NUF2: variants seen among roughly 807,000 people sequenced by gnomAD.
NUF2 encodes the protein NUF2 component of NDC80 kinetochore complex.
A neutral mutation model predicts 61.8 loss-of-function variants in NUF2; 34 were observed. The ratio of observed to expected loss-of-function variants is 0.55; its 90% CI spans 0.42 to 0.73. The LOEUF (loss-of-function observed/expected upper bound fraction) is 0.73. Among genes scored for constraint, NUF2 ranks in the 30% least tolerant of loss-of-function variants. NUF2 has a pLI of 0.00. For missense variants in NUF2, 445 were observed against 539.1 expected (o/e 0.83, Z 1.73); for synonymous variants, 172 against 181.6 (o/e 0.95, Z 0.42).
chr1:163,324,513 T>TA (rs11421867), intron 1 of NUF2, among the ~76,000 whole-genome samples: 89,582 of 151,958 alleles, frequency 0.59, 26,826 homozygotes, highest in Middle Eastern at 0.68. Context: ...CCTAAAATTC[T>TA]AAAAAAATTA....
chr1:163,345,082 C>T (rs1274588351), intron 10 of NUF2, among the ~76,000 whole-genome samples: 7 of 151,846 alleles, frequency 4.6e-5, no homozygotes, highest in African/African-American at 1.2e-4. Flanking sequence ...AACATAATTA[C>T]GGTGCATATG....
chr1:163,337,197 C>G (rs1250759839), intron 6 of NUF2, among the ~76,000 whole-genome samples: 1 of 151,930 alleles, frequency 6.6e-6, no homozygotes, highest in African/African-American at 2.4e-5. Context: ...TATTAAATAA[C>G]GGACATATTT....
At chr1:163,335,528 G>A (rs1031969932) in intron 5 of NUF2, among the ~76,000 whole-genome samples, 6 of 151,260 alleles carry the variant, frequency 4.0e-5, no homozygotes, top group South Asian at 2.1e-4. Flanking sequence ...GTTGTTAGCC[G>A]TTTGAATATA....
chr1:163,323,861 G>A (rs1650324139), intron 1 of NUF2, among the ~76,000 whole-genome samples: 1 of 151,974 alleles, frequency 6.6e-6, no homozygotes, highest in African/African-American at 2.4e-5. Flanking sequence ...CACAGCAGAT[G>A]GTGACCAAAA....
intron 9 of NUF2, among the ~76,000 whole-genome samples, chr1:163,343,351 T>C (rs1394043145): frequency 2.0e-5 from 3 of 152,106 alleles, no homozygotes; most frequent in Admixed American, 2.0e-4. Flanking sequence ...CAGGGATCAG[T>C]ACAAATTTAG....
chr1:163,347,830 A>G lies in NUF2; in HGVS notation c.1016A>G (p.Asn339Ser). ...CTGAAGAAATTGAAGACTGAAGAAA[A>G]TTCGTTCAAAAGACTGATGATTGTG... ...SELKKLKTEE[N>S]SFKRLMIVKK... is the part of the protein sequence containing the mutation. The change falls in exon 12 of 14, where the codon AAT becomes AGT. Residue 339 changes from asparagine to serine, a missense_variant. Asn to Ser is a conservative substitution (Grantham distance 46). Transcript: ENST00000271452. 6.2e-7 allele frequency: 1 copy of G among 1,612,262 alleles called. No individual in the cohort carries two copies. The highest frequency in any genetic ancestry group is 8.5e-7 in the Non-Finnish European group (1 of 1,179,318).
intron 10 of NUF2, among the ~76,000 whole-genome samples, chr1:163,344,494 A>T (rs1328318586): frequency 6.6e-6 from 1 of 151,402 alleles, no homozygotes. Context: ...TAAACATAGC[A>T]GTACCAAGGC....
intron 13 of NUF2, among the ~76,000 whole-genome samples, chr1:163,353,155 G>A (rs1651378699): frequency 6.6e-6 from 1 of 152,070 alleles, no homozygotes; most frequent in Non-Finnish European, 1.5e-5. Flanking sequence ...TATCCAAACT[G>A]GTCTGGTTAT....
rs768070975 is a variant in NUF2, at chr1:163,327,511, C to A, written c.147C>A (p.Tyr49Ter). 5 of 1,611,832 alleles carry A rather than the reference C, an allele frequency of 3.1e-6. No individual in the cohort carries two copies. The highest frequency in any genetic ancestry group is 4.2e-6 in the Non-Finnish European group (5 of 1,178,136). Reference sequence around the variant, plus strand: ...AGCCTGAAGTCTTGCACATGATCTACATGAGAGCCTTACAAATAGTATATG... The same window carrying A: ...AGCCTGAAGTCTTGCACATGATCTAAATGAGAGCCTTACAAATAGTATATG... ...NPKPEVLHMI[Y>*]MRALQIVYGI... The change falls in exon 3 of 14, where the codon TAC becomes TAA. Residue 49 changes from tyrosine (Y) to a stop codon, truncating the protein, a stop_gained. Coordinates refer to ENST00000271452, the MANE Select transcript of NUF2 (RefSeq NM_145697.3). LOFTEE classifies it high-confidence loss of function.
chr1:163,352,362 T>C (rs1447568621), intron 13 of NUF2, among the ~76,000 whole-genome samples: 1 of 152,258 alleles, frequency 6.6e-6, no homozygotes, highest in East Asian at 1.9e-4. Context: ...CCTTGAATAC[T>C]AAGTACTACC....
intron 1 of NUF2, among the ~76,000 whole-genome samples, chr1:163,324,313 T>C (rs1650341646): frequency 6.6e-6 from 1 of 152,176 alleles, no homozygotes; most frequent in South Asian, 2.1e-4. Flanking sequence ...ACAAAACATA[T>C]TTCCACACAC....
intron 2 of NUF2, 105 bp downstream of exon 2, chr1:163,326,279 A>G: frequency 3.1e-6 from 3 of 980,092 alleles, no homozygotes. Context: ...TATTTGATGG[A>G]GACCAGTCAT....
intron 13 of NUF2, among the ~76,000 whole-genome samples, chr1:163,350,159 A>G (rs2999854): frequency 0.9 from 135,622 of 151,412 alleles, 61,459 homozygotes; most frequent in East Asian, 0.98. Context: ...AAAATTAGCC[A>G]GGCGTGGTGG....
rs757158596 is a variant in NUF2, at chr1:163,327,586, T to C, written c.198+24T>C. 3.4e-6 allele frequency: 5 copies of C among 1,468,878 alleles called. No individual in the cohort carries two copies. In the African/African-American group the frequency reaches 6.9e-5, roughly 20 times the overall value. 91.0% of individuals were successfully genotyped at this position (1,468,878 alleles called of 1,614,324 possible). Reference sequence around the variant, plus strand: ...TGGTGAGTTTAAGATGAGGCAAAATTATGGGGTTTTTTTTGTTTGTTTGTT... The same window carrying C: ...TGGTGAGTTTAAGATGAGGCAAAATCATGGGGTTTTTTTTGTTTGTTTGTT... On this transcript the variant is annotated intron_variant, in intron 3 of 13. Coordinates refer to ENST00000271452, the MANE Select transcript of NUF2 (RefSeq NM_145697.3).
intron 1 of NUF2, among the ~76,000 whole-genome samples, chr1:163,324,151 A>T (rs1008989462): frequency 2.0e-5 from 3 of 152,226 alleles, no homozygotes; most frequent in Admixed American, 1.3e-4. Context: ...ATATAGCCAT[A>T]CATAAAGAAA....
intron 5 of NUF2, among the ~76,000 whole-genome samples, chr1:163,330,578 G>A (rs1230294833): frequency 6.6e-6 from 1 of 151,898 alleles, no homozygotes; most frequent in African/African-American, 2.4e-5. Context: ...AGTATTTCCA[G>A]CTTGTCACTT....
intron 9 of NUF2, among the ~76,000 whole-genome samples, chr1:163,341,444 G>A (rs1014518659): frequency 2.0e-5 from 3 of 151,932 alleles, no homozygotes; most frequent in Non-Finnish European, 2.9e-5. Flanking sequence ...TCTTCACCTC[G>A]TGATCCACCC....
chr1:163,354,458 A>G (rs1432498930), intron 13 of NUF2, among the ~76,000 whole-genome samples: 3 of 152,158 alleles, frequency 2.0e-5, no homozygotes, highest in Admixed American at 6.5e-5. Flanking sequence ...ATTATAATCT[A>G]TGTAATTTAT....
chr1:163,330,684 CT>C (rs1203002052), intron 5 of NUF2, among the ~76,000 whole-genome samples: 3 of 152,032 alleles, frequency 2.0e-5, no homozygotes, highest in African/African-American at 7.2e-5. Context: ...AATATTGGGT[CT>C]TCTGATCCAT....
Sources: allele counts gnomAD v4.1 joint callset (sites outside exome capture counted in the v4.1 genomes callset), GRCh38; gene constraint gnomAD v4.1.1; transcripts MANE v1.5; gene names NCBI Gene and HGNC (gene_info 2026-07-23, HGNC 2026-07-21).